The following PLCB1 variants were observed in gnomAD, a reference collection of about 807,000 sequenced individuals.
The protein encoded by PLCB1 is 1-phosphatidylinositol 4,5-bisphosphate phosphodiesterase beta-1.
Under a neutral mutation model 161.8 loss-of-function variants are expected in PLCB1, and 46 were observed. The observed-to-expected ratio is 0.28, with a 90% CI of 0.22 to 0.36. The LOEUF (loss-of-function observed/expected upper bound fraction) is 0.36. Among genes scored for constraint, PLCB1 ranks in the 10% least tolerant of loss-of-function variants. The probability of loss-of-function intolerance (pLI) is 1.00; values close to 1 mark genes in which losing one functional copy is unlikely to be tolerated. For synonymous variants in PLCB1, 517 were observed against 503.7 expected, an observed-to-expected ratio of 1.03 and a Z score of -0.35; for missense variants, 1,016 against 1,472.5, an observed-to-expected ratio of 0.69 and a Z score of 5.07.
chr20:8,869,598 A>C (rs548262760), intron 31 of PLCB1, among the ~76,000 whole-genome samples: 1 of 152,232 alleles, frequency 6.6e-6, no homozygotes, highest in Non-Finnish European at 1.5e-5. Context: ...CTTAATGCAC[A>C]CTTTTGAGAG....
At chr20:8,416,506 CTAACAT>C (rs1400640762) in intron 3 of PLCB1, among the ~76,000 whole-genome samples, 1 of 152,112 alleles carries the variant, frequency 6.6e-6, no homozygotes, top group Non-Finnish European at 1.5e-5. Context: ...GGTATGCTCA[CTAACAT>C]TAAGTAATTT....
chr20:8,496,303 G>A (rs775666213), intron 3 of PLCB1, among the ~76,000 whole-genome samples: 3 of 148,396 alleles, frequency 2.0e-5, no homozygotes, highest in East Asian at 2.0e-4. Flanking sequence ...GACCAGCCTC[G>A]GCAACATGGC....
intron 3 of PLCB1, among the ~76,000 whole-genome samples, chr20:8,464,511 T>G (rs935420613): frequency 1.3e-5 from 2 of 152,196 alleles, no homozygotes; most frequent in African/African-American, 4.8e-5. Context: ...TCAATAATTT[T>G]TCCTTCAGCT....
rs1990397289 is a variant in PLCB1, at chr20:8,688,043, T to C, written c.1009+2965T>C. Reference sequence around the variant, plus strand: ...TATGGCCATTGTTGCAAGAGTAAGGTGGTATCGCATTGTGGTTTTGATTTG... The same window carrying C: ...TATGGCCATTGTTGCAAGAGTAAGGCGGTATCGCATTGTGGTTTTGATTTG... On this transcript the variant is annotated intron_variant, in intron 10 of 31. Transcript: ENST00000338037. 1.3e-5 allele frequency among the ~76,000 whole-genome samples: 2 copies of C among 152,178 alleles called. 1 individual carries two copies. The highest frequency in any genetic ancestry group is 2.9e-5 in the Non-Finnish European group (2 of 68,030).
chr20:8,714,159 C>T (rs941908310), intron 12 of PLCB1, among the ~76,000 whole-genome samples: 2 of 152,082 alleles, frequency 1.3e-5, no homozygotes, highest in Non-Finnish European at 2.9e-5. Context: ...ATCAAGAGGG[C>T]TTGTTATGAT....
intron 19 of PLCB1, among the ~76,000 whole-genome samples, chr20:8,736,779 C>G (rs557436572): frequency 6.6e-6 from 1 of 152,118 alleles, no homozygotes; most frequent in African/African-American, 2.4e-5. Flanking sequence ...CTCCCATAAT[C>G]CAATCACCCT....
intron 3 of PLCB1, among the ~76,000 whole-genome samples, chr20:8,602,134 C>A (rs531906335): frequency 6.6e-6 from 1 of 152,142 alleles, no homozygotes; most frequent in East Asian, 1.9e-4. Context: ...AAAAGCTGAA[C>A]CTATGAGACA....
At chr20:8,680,816 A>C (rs904491110) in intron 9 of PLCB1, among the ~76,000 whole-genome samples, 13 of 151,926 alleles carry the variant, frequency 8.6e-5, no homozygotes, top group African/African-American at 2.9e-4. Context: ...TATACTAAAA[A>C]TTCTGTTAAA....
chr20:8,729,252 G>C, intron 18 of PLCB1, 78 bp downstream of exon 18: 2 of 1,304,818 alleles, frequency 1.5e-6, no homozygotes, highest in Non-Finnish European at 2.0e-6. Flanking sequence ...ATAATTGGGG[G>C]AGAGAAAATT....
chr20:8,654,234 G>A (rs1278616264), intron 7 of PLCB1, among the ~76,000 whole-genome samples: 1 of 151,838 alleles, frequency 6.6e-6, no homozygotes, highest in Non-Finnish European at 1.5e-5. Context: ...AAGTTTGCCA[G>A]TACTTTGCAG....
chr20:8,622,169 G>T (rs1266844511), intron 3 of PLCB1, among the ~76,000 whole-genome samples: 1 of 151,456 alleles, frequency 6.6e-6, no homozygotes, highest in Non-Finnish European at 1.5e-5. Context: ...CAGGAGAATC[G>T]CTTGAACCAG....
intron 31 of PLCB1, among the ~76,000 whole-genome samples, chr20:8,866,214 T>A (rs1469725854): frequency 6.6e-6 from 1 of 152,198 alleles, no homozygotes; most frequent in Non-Finnish European, 1.5e-5. Context: ...GAGGGAGATG[T>A]CCAATATTCT....
At chr20:8,515,524 G>T (rs1181055340) in intron 3 of PLCB1, among the ~76,000 whole-genome samples, 9 of 152,144 alleles carry the variant, frequency 5.9e-5, no homozygotes, top group Non-Finnish European at 1.2e-4. Context: ...GATGCCTGGT[G>T]TATCTAGAAA....
intron 31 of PLCB1, among the ~76,000 whole-genome samples, chr20:8,805,634 G>C (rs139038328): frequency 7.7e-4 from 117 of 152,286 alleles, no homozygotes; most frequent in African/African-American, 2.6e-3. Flanking sequence ...CACATAACAT[G>C]TGTTATCTTC....
chr20:8,825,559 A>G (rs867173612), intron 31 of PLCB1, among the ~76,000 whole-genome samples: 3 of 152,210 alleles, frequency 2.0e-5, no homozygotes, highest in African/African-American at 7.2e-5. Flanking sequence ...TAGACCACAG[A>G]GCATCAGGAA....
chr20:8,185,603 C>G (rs2051895048), intron 2 of PLCB1, among the ~76,000 whole-genome samples: 1 of 151,182 alleles, frequency 6.6e-6, no homozygotes, highest in South Asian at 2.1e-4. Flanking sequence ...TATATATAAA[C>G]ACTTTATATA....
chr20:8,142,370 CTG>C (rs934376214), intron 1 of PLCB1, among the ~76,000 whole-genome samples: 1 of 152,138 alleles, frequency 6.6e-6, no homozygotes, highest in African/African-American at 2.4e-5. Flanking sequence ...CTAAGGGACT[CTG>C]TGACCTTCTT....
At chr20:8,545,935 G>A (rs1281671231) in intron 3 of PLCB1, among the ~76,000 whole-genome samples, 1 of 152,154 alleles carries the variant, frequency 6.6e-6, no homozygotes, top group Non-Finnish European at 1.5e-5. Context: ...GCTTAAGGTG[G>A]CAGAATCACC....
intron 3 of PLCB1, among the ~76,000 whole-genome samples, chr20:8,462,889 CCAA>C (rs1981643607): frequency 6.6e-6 from 1 of 151,688 alleles, no homozygotes; most frequent in East Asian, 1.9e-4. Context: ...GGCCAATAGG[CCAA>C]CAACAAGTAG....
Sources: allele counts gnomAD v4.1 joint callset (sites outside exome capture counted in the v4.1 genomes callset), GRCh38; gene constraint gnomAD v4.1.1; transcripts MANE v1.5; gene names NCBI Gene and HGNC (gene_info 2026-07-23, HGNC 2026-07-21).